CD180: variants seen among roughly 807,000 people sequenced by gnomAD.
CD180 encodes the protein CD180 molecule.
In CD180, 11 loss-of-function variants were observed where a neutral mutation model predicts 10.7. The ratio of observed to expected loss-of-function variants is 1.03; its 90% CI spans 0.65 to 1.70. The LOEUF is 1.70. Among genes scored for constraint, CD180 ranks in the 40% most tolerant of loss-of-function variants. CD180 has a pLI of 0.00. For synonymous variants in CD180, 286 were observed against 294.6 expected, an observed-to-expected ratio of 0.97 and a Z score of 0.30; for missense variants, 729 against 775.2, an observed-to-expected ratio of 0.94 and a Z score of 0.71.
chr5:67,183,031 C>T lies in CD180; in HGVS notation c.1812G>A (p.Glu604=), dbSNP rs201091750. 2 of 1,613,546 alleles carry T rather than the reference C, an allele frequency of 1.2e-6. No homozygotes were observed. The highest frequency in any genetic ancestry group is 1.3e-5 in the African/African-American group (1 of 74,896). The change falls in exon 3 of 3, where the codon GAG becomes GAA. Residue 604 remains glutamate, a synonymous_variant. Transcript: ENST00000256447. ...ENLHKLEGSE[E]TTCANPPSLR... Reference sequence around the variant, plus strand: ...GAGATGGCGGGTTTGCACACGTGGTCTCCTCCGAGCCTTCAAGTTTGTGCA... The same window carrying T: ...GAGATGGCGGGTTTGCACACGTGGTTTCCTCCGAGCCTTCAAGTTTGTGCA...
intron 2 of CD180, among the ~76,000 whole-genome samples, chr5:67,185,458 A>G (rs1406535681): frequency 2.0e-5 from 3 of 152,160 alleles, no homozygotes; most frequent in East Asian, 3.8e-4. Flanking sequence ...TCATTTTCCA[A>G]TTTGTAGGGG....
chr5:67,185,761 C>T (rs1341042654), intron 2 of CD180, 90 bp downstream of exon 2: 4 of 916,490 alleles, frequency 4.4e-6, no homozygotes, highest in African/African-American at 1.7e-5. Flanking sequence ...GTCCCTGGGC[C>T]CCCCAAAAAG....
rs746429444 is a variant in CD180 at position 67,182,773 on chromosome 5, T to G, written c.*84A>C. The G allele has an allele frequency of 7.8e-6, 9 of 1,155,112 alleles. No homozygotes were observed. Among genetic ancestry groups the G allele is most frequent in the Non-Finnish European group, 1.1e-5 (9 of 821,002 alleles). The allele number at this position is 1,155,112 out of a possible 1,614,324, so 71.6% of individuals were successfully genotyped here. On this transcript the variant is annotated 3_prime_UTR_variant, in exon 3 of 3. Transcript: ENST00000256447. ...CCAGGAAGCAATCTGAAAAGTCTGG[T>G]CTGGTCACCAGCAGATGACAGTTCT...
rs1305340383 is a variant in CD180, at chr5:67,180,024, T to A, written c.*2833A>T. On this transcript the variant is annotated 3_prime_UTR_variant, in exon 3 of 3. Coordinates refer to ENST00000256447, the MANE Select transcript of CD180 (RefSeq NM_005582.3). The stretch of plus-strand genomic sequence containing the variant: ...ACAGAGTCTATCCTAGTAAACAGGT[T>A]AAAGCAATAAAATTGACAGCAGCCA... The A allele has an allele frequency of 1.3e-5, 2 of 152,242 alleles. No individual in the cohort carries two copies. The highest frequency in any genetic ancestry group is 6.5e-5 in the Admixed American group (1 of 15,288). 9.4% of individuals were successfully genotyped at this position (152,242 alleles called of 1,614,324 possible).
At position 67,183,271 on chromosome 5, in the gene CD180, A is replaced by G. The variant is rs1411611189; in HGVS notation, c.1572T>C (p.His524=). 6.2e-6 allele frequency: 10 copies of G among 1,614,064 alleles called. No homozygotes were observed. Among genetic ancestry groups the G allele is most frequent in the South Asian group, 1.1e-5 (1 of 91,072 alleles). The change falls in exon 3 of 3, where the codon CAT becomes CAC. Residue 524 remains histidine, a synonymous_variant. Coordinates refer to ENST00000256447, the MANE Select transcript of CD180 (RefSeq NM_005582.3). ...QAFHSLGKMS[H]VDLSHNSLTC... ...TCAGGCTGTTGTGGCTTAAGTCTAC[A>G]TGGCTCATTTTTCCCAAGCTGTGGA...
Position 67,180,577 on chromosome 5 carries a change from A to G in CD180, c.*2280T>C, listed in dbSNP as rs1295941853. On this transcript the variant is annotated 3_prime_UTR_variant, in exon 3 of 3. Coordinates refer to ENST00000256447, the MANE Select transcript of CD180 (RefSeq NM_005582.3). Reference sequence around the variant, plus strand: ...CATTTTGTAAAAACTTCCCTAGGAGATGCCAGTGAAAAACATGTGGGAGGC... The same window carrying G: ...CATTTTGTAAAAACTTCCCTAGGAGGTGCCAGTGAAAAACATGTGGGAGGC... 6.6e-6 allele frequency: 1 copy of G among 152,222 alleles called. No homozygotes were observed. The highest frequency in any genetic ancestry group is 1.5e-5 in the Non-Finnish European group (1 of 68,062). The allele number at this position is 152,222 out of a possible 1,614,324, so 9.4% of individuals were successfully genotyped here.
In CD180 at chr5:67,182,936, A is replaced by G. The variant is rs1412710587; in HGVS notation, c.1907T>C (p.Ile636Thr). 1 of 1,614,040 alleles carries G rather than the reference A, an allele frequency of 6.2e-7. No homozygotes were observed. The highest frequency in any genetic ancestry group is 1.7e-5 in the Admixed American group (1 of 60,020). The change falls in exon 3 of 3, where the codon ATA (isoleucine) becomes ACA (threonine). Residue 636 changes from isoleucine to threonine, a missense_variant. By Grantham distance (89) the Ile-to-Thr change is moderately conservative (BLOSUM62 -1). Coordinates refer to ENST00000256447, the MANE Select transcript of CD180 (RefSeq NM_005582.3). ...GITAIGIFFLIVFLLLLAILL... is the reference protein window; with the variant it reads ...GITAIGIFFLTVFLLLLAILL... ...AATAGCCAACAATAATAGAAATACT[A>G]TGAGAAAGAAAATGCCTATGGCTGT... is the stretch of plus-strand genomic sequence containing the variant.
At chr5:67,193,349 C>A (rs1742344518) in intron 1 of CD180, among the ~76,000 whole-genome samples, 1 of 152,266 alleles carries the variant, frequency 6.6e-6, no homozygotes, top group Admixed American at 6.5e-5. Flanking sequence ...AACGGCCAAA[C>A]CCTTAAGTCA....
At position 67,181,690 on chromosome 5, in the gene CD180, T is replaced by A. The variant is rs1742050025; in HGVS notation, c.*1167A>T. The A allele has an allele frequency of 6.6e-6, 1 of 152,268 alleles. No individual in the cohort carries two copies. The allele number at this position is 152,268 out of a possible 1,614,324, so 9.4% of individuals were successfully genotyped here. A position where few individuals can be genotyped will look rare whatever the true frequency, so the allele number is the denominator to read the frequency against. On this transcript the variant is annotated 3_prime_UTR_variant, in exon 3 of 3. Coordinates refer to ENST00000256447, the MANE Select transcript of CD180 (RefSeq NM_005582.3). Reference sequence around the variant, plus strand: ...AGCTCCCGCCAAGCTTGTCTGGCAATCAAGACTTCAGAAGATACAGGCCTG... The same window carrying A: ...AGCTCCCGCCAAGCTTGTCTGGCAAACAAGACTTCAGAAGATACAGGCCTG...
chr5:67,181,034 TAC>T lies in CD180; in HGVS notation c.*1821_*1822del, dbSNP rs1331879501. 1 of 143,752 alleles carries T rather than the reference TAC, an allele frequency of 7.0e-6. No homozygotes were observed. The highest frequency in any genetic ancestry group is 2.6e-5 in the African/African-American group (1 of 37,842). The allele number at this position is 143,752 out of a possible 1,614,324, so 8.9% of individuals were successfully genotyped here. Reference sequence around the variant, plus strand: ...TTATATATATATATACACACACACATACACACACATACACACACACACACATA... The same window carrying T: ...TTATATATATATATACACACACACATACACACATACACACACACACACATA... On this transcript the variant is annotated 3_prime_UTR_variant, in exon 3 of 3. Coordinates refer to ENST00000256447, the MANE Select transcript of CD180 (RefSeq NM_005582.3).
intron 2 of CD180, among the ~76,000 whole-genome samples, chr5:67,185,327 A>ACACACG (rs1430057208): frequency 7.0e-6 from 1 of 143,264 alleles, no homozygotes; most frequent in Admixed American, 6.8e-5. Context: ...ACACACACAC[A>ACACACG]CGCAGTATAG....
Position 67,188,922 on chromosome 5 carries a change from G to A in CD180, c.91-2905C>T, listed in dbSNP as rs188786901. Among the ~76,000 whole-genome samples, 798 of 152,192 alleles carry A rather than the reference G, an allele frequency of 5.2e-3. 3 individuals are homozygous for A. The highest frequency in any genetic ancestry group is 0.012 in the Admixed American group (186 of 15,278). On this transcript the variant is annotated intron_variant, in intron 1 of 2. Coordinates refer to ENST00000256447, the MANE Select transcript of CD180 (RefSeq NM_005582.3). Reference sequence around the variant, plus strand: ...ATAATGTCCTTGAAATGCACACTTCGCATTTAAAACTTAGATTTAGCTGAC... The same window carrying A: ...ATAATGTCCTTGAAATGCACACTTCACATTTAAAACTTAGATTTAGCTGAC...
intron 1 of CD180, among the ~76,000 whole-genome samples, chr5:67,194,238 G>A (rs1397907483): frequency 2.6e-5 from 4 of 152,160 alleles, no homozygotes; most frequent in Admixed American, 1.3e-4. Flanking sequence ...AAGGTCACCC[G>A]TTAGGATTAT....
At chr5:67,192,128 C>T (rs868033415) in intron 1 of CD180, among the ~76,000 whole-genome samples, 1 of 152,126 alleles carries the variant, frequency 6.6e-6, no homozygotes, top group African/African-American at 2.4e-5. Context: ...CGGTGGCTCA[C>T]GCCTGTAATC....
chr5:67,184,245 T>C lies in CD180; in HGVS notation c.598A>G (p.Ile200Val). 5.6e-6 allele frequency: 9 copies of C among 1,614,162 alleles called. No individual in the cohort carries two copies. The highest frequency in any genetic ancestry group is 7.6e-6 in the Non-Finnish European group (9 of 1,180,006). Residue 200 changes from isoleucine (I) to valine (V), a missense_variant, in exon 3 of 3, where the codon ATC (isoleucine) becomes GTC (valine). Coordinates refer to ENST00000256447, the MANE Select transcript of CD180 (RefSeq NM_005582.3). ...CCATTGAAGTTCAGGCTTAGGTTGATGGCCTGCTCCAGAGACCTCATGTCT... is the reference window on the plus strand; with the variant it reads ...CCATTGAAGTTCAGGCTTAGGTTGACGGCCTGCTCCAGAGACCTCATGTCT... The part of the protein sequence containing the change: ...REDMRSLEQA[I>V]NLSLNFNGNN...
chr5:67,185,288 T>TACACAC (rs138274022), intron 2 of CD180, among the ~76,000 whole-genome samples: 4,654 of 130,040 alleles, frequency 0.036, 111 homozygotes, highest in African/African-American at 0.044. Context: ...TGTCCCCTCT[T>TACACAC]ACACACACAC....
Position 67,183,162 on chromosome 5 carries a change from G to A in CD180, c.1681C>T (p.Arg561Cys), listed in dbSNP as rs150000308. The A allele has an allele frequency of 4.4e-5, 71 of 1,610,848 alleles. No individual in the cohort carries two copies. Among genetic ancestry groups the A allele is most frequent in the African/African-American group, 5.3e-5 (4 of 74,830 alleles). Residue 561 changes from arginine (R) to cysteine (C), a missense_variant, in exon 3 of 3, where the codon CGT becomes TGT. Arg to Cys is a radical substitution (Grantham distance 180). Transcript: ENST00000256447. ...AANSINIISPRLLPILSQQST... is the reference protein window; with the variant it reads ...AANSINIISPCLLPILSQQST... ...TGCTGGGACAAGATAGGGAGGAGACGGGGTGAGATGATGTTAATGCTGTTG... is the reference window on the plus strand; with the variant it reads ...TGCTGGGACAAGATAGGGAGGAGACAGGGTGAGATGATGTTAATGCTGTTG...
chr5:67,183,589 T>G lies in CD180; in HGVS notation c.1254A>C (p.Glu418Asp). 1 of 1,614,202 alleles carries G rather than the reference T, an allele frequency of 6.2e-7. No individual in the cohort carries two copies. The change falls in exon 3 of 3, where the codon GAA (glutamate) becomes GAC (aspartate). Residue 418 changes from glutamate (E) to aspartate (D), a missense_variant. Glu to Asp is a conservative substitution (Grantham distance 45, BLOSUM62 2). Coordinates refer to ENST00000256447, the MANE Select transcript of CD180 (RefSeq NM_005582.3). ...AATCGAGGAGTTCTAGCTGAGGACA[T>G]TCTTTGAATGCCTGACTCTGGAGAC... ...PLGLQSQAFK[E>D]CPQLELLDLA...
intron 1 of CD180, among the ~76,000 whole-genome samples, chr5:67,192,703 C>T (rs1464292368): frequency 6.6e-6 from 1 of 152,054 alleles, no homozygotes; most frequent in Non-Finnish European, 1.5e-5. Context: ...CCCCACACGC[C>T]TCCCACCAGG....
Sources: gnomAD v4.1 joint callset for allele counts (sites outside exome capture counted in the v4.1 genomes callset) on GRCh38, gnomAD v4.1.1 for gene constraint, MANE v1.5 for transcripts, NCBI Gene and HGNC (gene_info 2026-07-23, HGNC 2026-07-21) for gene names.